Variants in FIG4 observed in about 807,000 individuals in gnomAD.
The protein encoded by FIG4 is polyphosphoinositide phosphatase.
In FIG4, 112 loss-of-function variants were observed where a neutral mutation model predicts 118.6. The observed-to-expected ratio is 0.94, with a 90% confidence interval of 0.81 to 1.11. The LOEUF (loss-of-function observed/expected upper bound fraction) is 1.11. FIG4 is among the 50% of genes least tolerant of loss of function. The pLI, the probability that FIG4 is intolerant of heterozygous loss-of-function variation, is 0.00. For synonymous variants in FIG4, 369 were observed against 381.2 expected (o/e 0.97, Z 0.37); for missense variants, 969 against 1,111.7 (o/e 0.87, Z 1.83).
At chr6:109,800,956 C>T (rs1402765934) in intron 22 of FIG4, among the ~76,000 whole-genome samples, 1 of 152,176 alleles carries the variant, frequency 6.6e-6, no homozygotes. Context: ...CTGTGCCTGG[C>T]AGGCAGGTGC....
intron 22 of FIG4, among the ~76,000 whole-genome samples, chr6:109,797,875 G>A (rs1412425910): frequency 7.0e-6 from 1 of 143,150 alleles, no homozygotes; most frequent in Non-Finnish European, 1.5e-5. Flanking sequence ...CAGCTTGGGT[G>A]ACAGAGTGAG....
chr6:109,720,792 G>C (rs1775582957), intron 3 of FIG4, among the ~76,000 whole-genome samples: 1 of 152,174 alleles, frequency 6.6e-6, no homozygotes, highest in Non-Finnish European at 1.5e-5. Flanking sequence ...GAATATTACT[G>C]ACCTAGAGGG....
Position 109,711,976 on chromosome 6 carries a change from T to A in FIG4, c.67-3102T>A, listed in dbSNP as rs952531580. On this transcript the variant is annotated intron_variant, in intron 1 of 22. Coordinates refer to ENST00000230124, the MANE Select transcript of FIG4 (RefSeq NM_014845.6). ...CTGGTGGTAACAAATTCCCACAGCA[T>A]GTTTGTCTGAAAAGGATGTATTTCT... Among the ~76,000 whole-genome samples, 10 of 152,322 alleles carry A rather than the reference T, an allele frequency of 6.6e-5. 1 individual carries two copies. Among genetic ancestry groups the A allele is most frequent in the Middle Eastern group, 3.4e-3 (1 of 294 alleles).
chr6:109,750,212 A>C (rs1360514204), intron 10 of FIG4, among the ~76,000 whole-genome samples: 1 of 152,238 alleles, frequency 6.6e-6, no homozygotes. Flanking sequence ...GACAGTTTGC[A>C]GCAATCCATG....
intron 1 of FIG4, among the ~76,000 whole-genome samples, chr6:109,696,845 G>A (rs1774736895): frequency 6.6e-6 from 1 of 152,100 alleles, no homozygotes; most frequent in Non-Finnish European, 1.5e-5. Flanking sequence ...CTGACTATAG[G>A]TAAATAATTT....
At position 109,762,150 on chromosome 6, in the gene FIG4, CA is replaced by C. The variant is rs1188690165; in HGVS notation, c.1332del (p.Gly445ValfsTer4). 1.2e-6 allele frequency: 2 copies of C among 1,613,784 alleles called. No homozygotes were observed. Among genetic ancestry groups the C allele is most frequent in the Admixed American group, 3.3e-5 (2 of 60,022 alleles). On this transcript the variant is annotated frameshift_variant, in exon 12 of 23. Coordinates refer to ENST00000230124, the MANE Select transcript of FIG4 (RefSeq NM_014845.6). LOFTEE classifies it high-confidence loss of function. The stretch of plus-strand genomic sequence containing the variant: ...ATTGCAGAAAGTGTGGTGAAGAAAA[CA>C]GGTTTCTTTGTAAACCGCCCTGATT... ...NVIAESVVKKTGFFVNRPDSY... is the reference protein window; with the variant it reads ...NVIAESVVKKXGFFVNRPDSY...
chr6:109,801,725 G>A (rs1319964168), intron 22 of FIG4, among the ~76,000 whole-genome samples: 3 of 152,108 alleles, frequency 2.0e-5, no homozygotes, highest in Non-Finnish European at 2.9e-5. Flanking sequence ...CAGAATTAGA[G>A]CACTTCTTCA....
intron 22 of FIG4, among the ~76,000 whole-genome samples, chr6:109,820,589 A>G (rs1442670035): frequency 6.6e-6 from 1 of 152,132 alleles, no homozygotes; most frequent in Non-Finnish European, 1.5e-5. Flanking sequence ...CTCCAGAACA[A>G]GGAAAATGGA....
chr6:109,707,372 T>TACATATATACACATATGTATACATAC, intron 1 of FIG4, among the ~76,000 whole-genome samples: 1 of 147,604 alleles, frequency 6.8e-6, no homozygotes, highest in African/African-American at 2.5e-5. Flanking sequence ...CGTGTATATA[T>TACATATATACACATATGTATACATAC]ATATACATAT....
intron 10 of FIG4, among the ~76,000 whole-genome samples, chr6:109,744,647 A>C (rs1439179088): frequency 6.6e-6 from 1 of 151,752 alleles, no homozygotes; most frequent in Non-Finnish European, 1.5e-5. Context: ...TTATTTACTT[A>C]TTTCTTATTA....
At chr6:109,717,733 A>G (rs1183794165) in intron 3 of FIG4, among the ~76,000 whole-genome samples, 1 of 152,196 alleles carries the variant, frequency 6.6e-6, no homozygotes, top group Non-Finnish European at 1.5e-5. Flanking sequence ...AGAGGCACAT[A>G]CATGAAGGTA....
intron 10 of FIG4, among the ~76,000 whole-genome samples, chr6:109,748,808 C>G (rs1391546490): frequency 6.6e-6 from 1 of 152,104 alleles, no homozygotes. Flanking sequence ...CTTATAAAAT[C>G]ATCACCTCTC....
chr6:109,750,896 G>A (rs1776674415), intron 10 of FIG4, among the ~76,000 whole-genome samples: 1 of 152,094 alleles, frequency 6.6e-6, no homozygotes, highest in African/African-American at 2.4e-5. Flanking sequence ...GATTTTAAAT[G>A]CTTTTGAGAA....
At chr6:109,822,825 A>ATC (rs1284186678) in intron 22 of FIG4, among the ~76,000 whole-genome samples, 5 of 134,234 alleles carry the variant, frequency 3.7e-5, no homozygotes, top group Admixed American at 7.7e-5. Flanking sequence ...ATATATATAT[A>ATC]TATCGCTTTC....
intron 1 of FIG4, among the ~76,000 whole-genome samples, chr6:109,713,121 T>A (rs545049004): frequency 6.6e-6 from 1 of 152,322 alleles, no homozygotes; most frequent in East Asian, 1.9e-4. Flanking sequence ...GGTGCCAACG[T>A]GTAGTGACTG....
intron 1 of FIG4, among the ~76,000 whole-genome samples, chr6:109,710,229 T>A (rs1775214663): frequency 6.6e-6 from 1 of 152,230 alleles, no homozygotes; most frequent in Non-Finnish European, 1.5e-5. Context: ...ATTTTTGTCT[T>A]TAGTTCTGTT....
At chr6:109,794,202 C>T (rs2128397809) in intron 21 of FIG4, among the ~76,000 whole-genome samples, 1 of 152,252 alleles carries the variant, frequency 6.6e-6, no homozygotes. Context: ...TTTGTTTGTT[C>T]TTTAGGCAAT....
chr6:109,788,131 G>A (rs1778036772), intron 18 of FIG4, among the ~76,000 whole-genome samples: 1 of 152,136 alleles, frequency 6.6e-6, no homozygotes. Flanking sequence ...AAGCTATGAT[G>A]TACAGTAGGT....
chr6:109,767,093 C>G (rs1777302644), intron 15 of FIG4, among the ~76,000 whole-genome samples, 198 bp downstream of exon 15: 2 of 152,174 alleles, frequency 1.3e-5, no homozygotes, highest in African/African-American at 2.4e-5. Flanking sequence ...AAATAGGACA[C>G]TTTTGCATTT....
Sources: gnomAD v4.1 joint callset for allele counts (sites outside exome capture counted in the v4.1 genomes callset) on GRCh38, gnomAD v4.1.1 for gene constraint, MANE v1.5 for transcripts, NCBI Gene and HGNC (gene_info 2026-07-23, HGNC 2026-07-21) for gene names.